TANC2: variants seen among roughly 807,000 people sequenced by gnomAD.
TANC2 encodes the protein protein TANC2.
TANC2 carries 26 observed loss-of-function variants against 210.5 expected under a neutral mutation model. That is an observed-to-expected ratio of 0.12 (90% CI 0.09 to 0.17). The LOEUF (loss-of-function observed/expected upper bound fraction) is 0.17. Ranked by LOEUF, TANC2 falls within the 10% of genes least tolerant of loss-of-function variation. The pLI is 1.00. For synonymous variants in TANC2, 931 were observed against 967.1 expected, an observed-to-expected ratio of 0.96 and a Z score of 0.69; for missense variants, 2,129 against 2,608.9, an observed-to-expected ratio of 0.82 and a Z score of 4.01.
chr17:63,150,365 T>G (rs1193122604), intron 4 of TANC2: 2 of 152,204 alleles, frequency 1.3e-5, no homozygotes, highest in African/African-American at 4.8e-5. Context: ...GCAATCCTCA[T>G]ATTTTAACTT....
At chr17:63,038,561 T>C (rs949333221) in intron 2 of TANC2, among the ~76,000 whole-genome samples, 2 of 152,198 alleles carry the variant, frequency 1.3e-5, no homozygotes, top group African/African-American at 4.8e-5. Context: ...TTTTCTGCTC[T>C]TCTGTTTTCT....
intron 21 of TANC2, among the ~76,000 whole-genome samples, chr17:63,409,218 C>G (rs1307803153): frequency 1.3e-5 from 2 of 152,084 alleles, no homozygotes; most frequent in Non-Finnish European, 2.9e-5. Context: ...ATCACCCAGG[C>G]TGGAGTGCAG....
intron 11 of TANC2, chr17:63,339,030 C>T (rs1378332806): frequency 6.6e-6 from 1 of 152,038 alleles, no homozygotes; most frequent in Non-Finnish European, 1.5e-5. Context: ...CTATGAGTGC[C>T]CCTAGGACAG....
intron 8 of TANC2, 40 bp downstream of exon 8, chr17:63,238,117 A>G (rs765509428): frequency 1.3e-6 from 2 of 1,497,986 alleles, no homozygotes; most frequent in South Asian, 1.3e-5. Context: ...CTGTTGTTAA[A>G]TAATCATTTT....
chr17:63,067,324 CTATTATA>C (rs1412026666), intron 2 of TANC2, among the ~76,000 whole-genome samples: 2 of 152,096 alleles, frequency 1.3e-5, no homozygotes, highest in African/African-American at 4.8e-5. Context: ...TTTAATGCAA[CTATTATA>C]AAAATGCTTC....
intron 8 of TANC2, among the ~76,000 whole-genome samples, chr17:63,255,127 C>T (rs186615296): frequency 1.7e-4 from 25 of 150,594 alleles, no homozygotes; most frequent in African/African-American, 4.4e-4. Context: ...ATTTTTGAGA[C>T]GAAGTCTCAC....
At chr17:63,388,655 T>G in exon 16 of TANC2, 6 of 1,606,610 alleles carry the variant, frequency 3.7e-6, no homozygotes, top group Non-Finnish European at 5.1e-6. Flanking sequence ...AAAAAGTTGG[T>G]GTATCATCCT....
At chr17:63,395,984 A>T in intron 18 of TANC2, 56 bp downstream of exon 18, 1 of 1,486,968 alleles carries the variant, frequency 6.7e-7, no homozygotes, top group Non-Finnish European at 9.0e-7. Context: ...GGACCCAGGA[A>T]ACCAGGAGAA....
intron 5 of TANC2, among the ~76,000 whole-genome samples, chr17:63,160,325 A>G (rs2145474917): frequency 6.6e-6 from 1 of 152,322 alleles, no homozygotes; most frequent in Admixed American, 6.5e-5. Context: ...GCATTGCTTG[A>G]GGCCAGGAGT....
At chr17:63,417,818 G>A (rs2048910961) in intron 26 of TANC2, among the ~76,000 whole-genome samples, 1 of 152,182 alleles carries the variant, frequency 6.6e-6, no homozygotes, top group African/African-American at 2.4e-5. Flanking sequence ...TGTAGTCAGT[G>A]CAGTTTCCTT....
exon 18 of TANC2, chr17:63,395,836 T>G (rs2048139296): frequency 1.2e-6 from 2 of 1,612,974 alleles, no homozygotes; most frequent in East Asian, 4.5e-5. Flanking sequence ...TCAGTGTGAC[T>G]GGACGATGGC....
At chr17:63,302,888 CT>C (rs1201285546) in intron 9 of TANC2, among the ~76,000 whole-genome samples, 4 of 151,944 alleles carry the variant, frequency 2.6e-5, no homozygotes, top group African/African-American at 4.8e-5. Flanking sequence ...CTCAGCCCCC[CT>C]AGTAGCTAGG....
chr17:63,307,728 A>G (rs2044969524), intron 9 of TANC2, among the ~76,000 whole-genome samples: 1 of 151,586 alleles, frequency 6.6e-6, no homozygotes, highest in Non-Finnish European at 1.5e-5. Flanking sequence ...ATTTGGGCAT[A>G]CTCTAATGTA....
In TANC2 at chr17:63,415,681, C is replaced by G. The variant is rs150114438; in HGVS notation, c.4167+7C>G. The G allele has an allele frequency of 2.5e-6, 4 of 1,611,564 alleles. No individual in the cohort carries two copies. Among genetic ancestry groups the G allele is most frequent in the Non-Finnish European group, 3.4e-6 (4 of 1,178,746 alleles). ...GTGTCGCAGGAAAATGAACGTAAGT[C>G]CCTGTCACCCCAACTCCTTTCTGCA... On this transcript the variant is annotated splice_region_variant and intron_variant, in intron 26 of 27. Transcript: ENST00000689528.
intron 8 of TANC2, among the ~76,000 whole-genome samples, chr17:63,257,462 A>G (rs1318122148): frequency 6.6e-6 from 1 of 151,452 alleles, no homozygotes; most frequent in Non-Finnish European, 1.5e-5. Context: ...GGCTCAAGTG[A>G]TCCTCCCACC....
At chr17:63,156,519 T>G (rs1477176098) in intron 5 of TANC2, among the ~76,000 whole-genome samples, 1 of 151,808 alleles carries the variant, frequency 6.6e-6, no homozygotes, top group Non-Finnish European at 1.5e-5. Flanking sequence ...AAGGAAATAA[T>G]AGAACTATGG....
chr17:63,275,800 C>A (rs72845236), intron 9 of TANC2, among the ~76,000 whole-genome samples: 2 of 151,996 alleles, frequency 1.3e-5, no homozygotes, highest in African/African-American at 2.4e-5. Flanking sequence ...CCCCTCACCC[C>A]CAACCAGCTC....
intron 7 of TANC2, among the ~76,000 whole-genome samples, chr17:63,231,203 G>A (rs768592440): frequency 1.8e-4 from 27 of 151,840 alleles, no homozygotes; most frequent in Non-Finnish European, 2.7e-4. Context: ...ATACCAAGGG[G>A]TCTTTACCCA....
intron 2 of TANC2, among the ~76,000 whole-genome samples, chr17:63,063,872 G>C (rs1402067671): frequency 6.6e-6 from 1 of 152,004 alleles, no homozygotes; most frequent in African/African-American, 2.4e-5. Context: ...ATAATTTTTT[G>C]ATGGCCCAGA....
Sources: gnomAD v4.1 joint callset for allele counts (sites outside exome capture counted in the v4.1 genomes callset) on GRCh38, gnomAD v4.1.1 for gene constraint, MANE v1.5 for transcripts, NCBI Gene and HGNC (gene_info 2026-07-23, HGNC 2026-07-21) for gene names.